Variants in CDH18 observed in about 807,000 individuals in gnomAD.
CDH18 encodes the protein cadherin-18.
In CDH18, 31 loss-of-function variants were observed where a neutral mutation model predicts 67.9. That is an observed-to-expected ratio of 0.46 (90% confidence interval 0.34 to 0.62). The LOEUF (loss-of-function observed/expected upper bound fraction) is 0.62, where lower values mean the gene tolerates loss of function less well. CDH18 is among the 20% of genes least tolerant of loss of function. CDH18 has a pLI of 0.01. For missense variants in CDH18, 890 were observed against 975.5 expected (o/e 0.91, Z 1.17); for synonymous variants, 362 against 347.2 (o/e 1.04, Z -0.48).
At chr5:20,198,351 C>T (rs553063987) in intron 2 of CDH18, among the ~76,000 whole-genome samples, 2 of 152,178 alleles carry the variant, frequency 1.3e-5, no homozygotes, top group East Asian at 3.9e-4. Flanking sequence ...GAAGTCCAGG[C>T]TGAAGTGATC....
intron 1 of CDH18, among the ~76,000 whole-genome samples, chr5:20,283,728 T>C (rs12652162): frequency 0.41 from 62,998 of 151,814 alleles, 14,437 homozygotes; most frequent in Middle Eastern, 0.58. Context: ...AGCTACCATA[T>C]GATCCAGCAA....
intron 1 of CDH18, among the ~76,000 whole-genome samples, chr5:20,368,061 C>T (rs879656143): frequency 1.3e-5 from 2 of 152,132 alleles, no homozygotes; most frequent in African/African-American, 2.4e-5. Flanking sequence ...TTGAGAATTG[C>T]TTCACAGAGT....
chr5:19,497,565 A>G (rs965395594), intron 11 of CDH18, among the ~76,000 whole-genome samples: 1 of 152,226 alleles, frequency 6.6e-6, no homozygotes, highest in Non-Finnish European at 1.5e-5. Context: ...ATGTCAGGAA[A>G]GATCCCATGG....
intron 2 of CDH18, among the ~76,000 whole-genome samples, chr5:19,901,027 G>C (rs1442187268): frequency 6.6e-6 from 1 of 152,094 alleles, no homozygotes; most frequent in East Asian, 1.9e-4. Flanking sequence ...TAACTTCTCT[G>C]AGATTTAACT....
chr5:20,430,360 A>G (rs1422409272), intron 1 of CDH18, among the ~76,000 whole-genome samples: 1 of 152,158 alleles, frequency 6.6e-6, no homozygotes, highest in Non-Finnish European at 1.5e-5. Context: ...ATTCACAGAT[A>G]GGTAAACTGA....
At chr5:19,724,086 A>G (rs1234314961) in intron 4 of CDH18, among the ~76,000 whole-genome samples, 1 of 152,162 alleles carries the variant, frequency 6.6e-6, no homozygotes, top group East Asian at 1.9e-4. Context: ...GGCATTGTTC[A>G]TGATAGCCCC....
intron 1 of CDH18, among the ~76,000 whole-genome samples, chr5:20,449,215 T>A (rs976834594): frequency 8.5e-5 from 13 of 152,132 alleles, no homozygotes; most frequent in Non-Finnish European, 1.9e-4. Context: ...AAAATCTAAT[T>A]TCTATCATAA....
At chr5:19,538,930 A>T (rs887976209) in intron 9 of CDH18, among the ~76,000 whole-genome samples, 3 of 152,210 alleles carry the variant, frequency 2.0e-5, no homozygotes, top group Non-Finnish European at 4.4e-5. Context: ...GAAGATTTTT[A>T]AAAATCCCAT....
intron 7 of CDH18, among the ~76,000 whole-genome samples, chr5:19,580,052 C>T (rs75240586): frequency 0.032 from 4,848 of 151,774 alleles, 248 homozygotes; most frequent in African/African-American, 0.11. Flanking sequence ...AATAATTATA[C>T]ATATTTACGG....
At chr5:19,724,072 T>C (rs1003276154) in intron 4 of CDH18, among the ~76,000 whole-genome samples, 1 of 152,262 alleles carries the variant, frequency 6.6e-6, no homozygotes, top group Admixed American at 6.5e-5. Context: ...CAAATATTCA[T>C]AGTGGCATTG....
chr5:19,844,607 C>A (rs1316280337), intron 2 of CDH18, among the ~76,000 whole-genome samples: 1 of 152,070 alleles, frequency 6.6e-6, no homozygotes, highest in East Asian at 1.9e-4. Flanking sequence ...TTTCTATATC[C>A]TTTCATCAGA....
intron 2 of CDH18, among the ~76,000 whole-genome samples, chr5:19,926,264 GGTA>G (rs1222686779): frequency 2.0e-5 from 3 of 151,938 alleles, no homozygotes; most frequent in African/African-American, 7.3e-5. Context: ...TAATTTCACT[GGTA>G]ATATGCTTGA....
Position 20,128,388 on chromosome 5 carries a change from T to C in CDH18, c.-518+127056A>G, listed in dbSNP as rs74478815. 2.1e-3 allele frequency among the ~76,000 whole-genome samples: 313 copies of C among 152,130 alleles called. 1 individual carries two copies. The highest frequency in any genetic ancestry group is 2.9e-3 in the Non-Finnish European group (195 of 68,004). On this transcript the variant is annotated intron_variant, in intron 2 of 14. Coordinates refer to the CDH18 transcript ENST00000507958. The stretch of plus-strand genomic sequence containing the variant: ...TCTATCAGAAAAGAAATATACATGG[T>C]GGAAATTTAAAATAGAGTTTTTGTG...
At chr5:19,866,473 C>A (rs1785510970) in intron 2 of CDH18, among the ~76,000 whole-genome samples, 1 of 152,062 alleles carries the variant, frequency 6.6e-6, no homozygotes, top group Admixed American at 6.6e-5. Context: ...TGGGTTTTGT[C>A]AGATAAAGAA....
Position 19,606,259 on chromosome 5 carries a change from A to G in CDH18, c.811+6175T>C, listed in dbSNP as rs571108487. Among the ~76,000 whole-genome samples, 21 of 152,276 alleles carry G rather than the reference A, an allele frequency of 1.4e-4. No individual in the cohort carries two copies. In the South Asian group the frequency reaches 4.3e-3, roughly 32 times the overall value. ...AGATTGCACAATCATGAACCTCTGC[A>G]ACTCCTTTATGTAATGTTCAATCAG... On this transcript the variant is annotated intron_variant, in intron 6 of 12. Transcript: ENST00000382275.
intron 2 of CDH18, among the ~76,000 whole-genome samples, chr5:20,170,201 C>A (rs750419726): frequency 7.2e-5 from 11 of 151,832 alleles, no homozygotes; most frequent in Non-Finnish European, 8.8e-5. Context: ...CGACAGGCCC[C>A]AGTGTGTGTT....
intron 2 of CDH18, among the ~76,000 whole-genome samples, chr5:20,247,896 A>T (rs1199032730): frequency 6.6e-6 from 1 of 152,216 alleles, no homozygotes; most frequent in Non-Finnish European, 1.5e-5. Context: ...AGGAATTTTA[A>T]TTAAAGTGGA....
At chr5:20,149,526 C>G (rs1190706947) in intron 2 of CDH18, among the ~76,000 whole-genome samples, 2 of 152,118 alleles carry the variant, frequency 1.3e-5, no homozygotes, top group Non-Finnish European at 2.9e-5. Flanking sequence ...TTAGACACTT[C>G]TATTTCAAAC....
intron 2 of CDH18, among the ~76,000 whole-genome samples, chr5:19,883,437 C>A (rs939933169): frequency 4.8e-5 from 5 of 103,938 alleles, no homozygotes; most frequent in African/African-American, 1.4e-4. Context: ...TTGTTTACTA[C>A]ATCAACATTT....
Sources: allele counts gnomAD v4.1 joint callset (sites outside exome capture counted in the v4.1 genomes callset), GRCh38; gene constraint gnomAD v4.1.1; transcripts MANE v1.5; gene names NCBI Gene and HGNC (gene_info 2026-07-23, HGNC 2026-07-21).